Variants in ANO2 observed in about 807,000 individuals in gnomAD.
The protein encoded by ANO2 is anoctamin 2, also known as anoctamin-2.
ANO2 carries 101 observed loss-of-function variants against 124.2 expected under a neutral mutation model. The ratio of observed to expected loss-of-function variants is 0.81; its 90% confidence interval spans 0.69 to 0.96. The LOEUF (loss-of-function observed/expected upper bound fraction) is 0.96, where lower values mean the gene tolerates loss of function less well. Ranked by LOEUF, ANO2 falls within the 40% of genes least tolerant of loss-of-function variation. The pLI is 0.00. For missense variants in ANO2, 1,293 were observed against 1,274.5 expected, an observed-to-expected ratio of 1.01 and a Z score of -0.22; for synonymous variants, 486 against 482.5, an observed-to-expected ratio of 1.01 and a Z score of -0.09.
intron 4 of ANO2, among the ~76,000 whole-genome samples, chr12:5,849,169 C>T (rs1287104315): frequency 6.6e-6 from 1 of 152,160 alleles, no homozygotes; most frequent in African/African-American, 2.4e-5. Context: ...TTAACAATAG[C>T]TACAAAAGCT....
At chr12:5,923,257 TACAC>T (rs34200084) in intron 1 of ANO2, among the ~76,000 whole-genome samples, 16,285 of 74,166 alleles carry the variant, frequency 0.22, 2,547 homozygotes, top group East Asian at 0.35. Context: ...TACACACACA[TACAC>T]ACACACACAC....
chr12:5,919,699 A>ATT (rs71064175), intron 3 of ANO2, among the ~76,000 whole-genome samples: 24 of 151,028 alleles, frequency 1.6e-4, no homozygotes, highest in Middle Eastern at 3.4e-3. Flanking sequence ...AGGGAAGGTC[A>ATT]TTTTTTTTTC....
At chr12:5,596,857 C>T (rs1943684975) in intron 20 of ANO2, among the ~76,000 whole-genome samples, 2 of 152,176 alleles carry the variant, frequency 1.3e-5, no homozygotes, top group African/African-American at 4.8e-5. Flanking sequence ...TGTATTAGCA[C>T]TAAGCACTAA....
At chr12:5,738,280 C>A (rs1018523253) in intron 13 of ANO2, among the ~76,000 whole-genome samples, 2 of 152,374 alleles carry the variant, frequency 1.3e-5, no homozygotes, top group Non-Finnish European at 2.9e-5. Flanking sequence ...AGGGATTCCA[C>A]TTCTTTCTCA....
chr12:5,882,357 T>C (rs1938562238), intron 3 of ANO2, among the ~76,000 whole-genome samples: 1 of 152,240 alleles, frequency 6.6e-6, no homozygotes, highest in Non-Finnish European at 1.5e-5. Context: ...TTTTCCAGAA[T>C]GAGACTTTCT....
rs1229353542 is a variant in ANO2 at position 5,690,293 on chromosome 12, G to A, written c.1545+42227C>T. Among the ~76,000 whole-genome samples the A allele has an allele frequency of 3.9e-5, 6 of 152,224 alleles. No homozygotes were observed. In the South Asian group the frequency reaches 1.0e-3, roughly 26 times the overall value. On this transcript the variant is annotated intron_variant, in intron 14 of 24. Coordinates refer to ENST00000682330, the MANE Select transcript of ANO2 (RefSeq NM_001364791.2). ...TGGCTTTGAAATTTCCCTCCTCTGA[G>A]CCTCAATATTTTCTCACTCTGGATT...
At chr12:5,817,005 C>G (rs958604050) in intron 7 of ANO2, among the ~76,000 whole-genome samples, 10 of 152,158 alleles carry the variant, frequency 6.6e-5, no homozygotes, top group Non-Finnish European at 1.3e-4. Flanking sequence ...ATTATAAATA[C>G]AACTCAAAAA....
intron 17 of ANO2, 81 bp downstream of exon 17, chr12:5,615,104 AG>A: frequency 1.3e-5 from 14 of 1,088,994 alleles, no homozygotes; most frequent in Non-Finnish European, 2.7e-6. Flanking sequence ...CAATGGGGAC[AG>A]GCTGACCCTA....
At chr12:5,827,007 G>A (rs1953976696) in intron 7 of ANO2, among the ~76,000 whole-genome samples, 1 of 152,152 alleles carries the variant, frequency 6.6e-6, no homozygotes, top group African/African-American at 2.4e-5. Context: ...TGGGAACAAG[G>A]GTTCAACATG....
At chr12:5,830,208 T>C (rs189481163) in intron 6 of ANO2, among the ~76,000 whole-genome samples, 6 of 152,174 alleles carry the variant, frequency 3.9e-5, no homozygotes, top group African/African-American at 1.2e-4. Context: ...AGAACTTTAA[T>C]GGAGAACCCA....
In ANO2 at chr12:5,658,046, G is replaced by A. The variant is rs556574127; in HGVS notation, c.1546-10245C>T. ...TTACATTTGAGAAAAAATATTATTT[G>A]CTCATTTGTCTTTCTCTCCCTCTCC... On this transcript the variant is annotated intron_variant, in intron 14 of 24. Transcript: ENST00000682330. This position sits in a 1 kb window ranked among gnomAD's most constrained non-coding sequence, Gnocchi z 4.3. Among the ~76,000 whole-genome samples the A allele has an allele frequency of 5.3e-4, 81 of 151,792 alleles. No homozygotes were observed. Among genetic ancestry groups the A allele is most frequent in the Middle Eastern group, 6.8e-3 (2 of 294 alleles).
intron 3 of ANO2, among the ~76,000 whole-genome samples, chr12:5,858,182 T>C (rs1314737404): frequency 6.6e-6 from 1 of 152,160 alleles, no homozygotes; most frequent in African/African-American, 2.4e-5. Context: ...GGATTGTGAA[T>C]ATTTACAACA....
intron 17 of ANO2, 32 bp downstream of exon 17, chr12:5,615,154 T>G: frequency 6.3e-7 from 1 of 1,578,040 alleles, no homozygotes; most frequent in Non-Finnish European, 8.7e-7. Context: ...AGTGGCAAAT[T>G]GCCTTTCTAC....
chr12:5,643,114 C>T (rs1461500587), intron 15 of ANO2, among the ~76,000 whole-genome samples: 1 of 151,708 alleles, frequency 6.6e-6, no homozygotes, highest in Non-Finnish European at 1.5e-5. Context: ...ACCAATATAG[C>T]CCAGACCAGC....
At chr12:5,781,364 C>T (rs1363362698) in intron 10 of ANO2, among the ~76,000 whole-genome samples, 1 of 152,216 alleles carries the variant, frequency 6.6e-6, no homozygotes, top group Non-Finnish European at 1.5e-5. Flanking sequence ...ACCCTTTGAA[C>T]TCAGGGGTGG....
intron 7 of ANO2, among the ~76,000 whole-genome samples, chr12:5,810,697 C>T (rs891532935): frequency 6.6e-6 from 1 of 152,190 alleles, no homozygotes; most frequent in South Asian, 2.1e-4. Flanking sequence ...CCCTGAGGAG[C>T]CCCTTACTGA....
chr12:5,734,649 T>G (rs575212576), intron 13 of ANO2, among the ~76,000 whole-genome samples: 13 of 151,684 alleles, frequency 8.6e-5, no homozygotes, highest in Non-Finnish European at 1.8e-4. Flanking sequence ...TTTTTTTTCT[T>G]TCTTTTTTTT....
chr12:5,652,311 A>G (rs1946950803), intron 14 of ANO2, among the ~76,000 whole-genome samples: 3 of 152,154 alleles, frequency 2.0e-5, no homozygotes, highest in African/African-American at 7.2e-5. Flanking sequence ...GCTTCAAAGG[A>G]GTTCCCATAT....
chr12:5,602,452 C>T (rs1943988856), intron 19 of ANO2, among the ~76,000 whole-genome samples: 1 of 140,420 alleles, frequency 7.1e-6, no homozygotes. Flanking sequence ...CAGGGTTTCA[C>T]CATATTGCCC....
Sources: allele counts gnomAD v4.1 joint callset (sites outside exome capture counted in the v4.1 genomes callset), GRCh38; gene constraint gnomAD v4.1.1; non-coding constraint Gnocchi (gnomAD v3.1); transcripts MANE v1.5; gene names NCBI Gene and HGNC (gene_info 2026-07-23, HGNC 2026-07-21).